DDX10: variants seen among roughly 807,000 people sequenced by gnomAD.
DDX10 encodes the protein probable ATP-dependent RNA helicase DDX10.
Under a neutral mutation model 104.3 loss-of-function variants are expected in DDX10, and 74 were observed. The observed-to-expected ratio is 0.71, with a 90% confidence interval of 0.59 to 0.86. The LOEUF (loss-of-function observed/expected upper bound fraction) is 0.86, where lower values mean the gene tolerates loss of function less well. Ranked by LOEUF, DDX10 falls within the 40% of genes least tolerant of loss-of-function variation. DDX10 has a pLI of 0.00. For synonymous variants in DDX10, 351 were observed against 353.4 expected, an observed-to-expected ratio of 0.99 and a Z score of 0.08; for missense variants, 952 against 1,040.0, an observed-to-expected ratio of 0.92 and a Z score of 1.16.
chr11:108,709,124 G>A (rs2094280611), intron 10 of DDX10, among the ~76,000 whole-genome samples: 1 of 152,142 alleles, frequency 6.6e-6, no homozygotes, highest in Non-Finnish European at 1.5e-5. Context: ...CTAGAATGAT[G>A]TTGGACAGCA....
At chr11:108,833,593 T>TC (rs1862503446) in intron 13 of DDX10, among the ~76,000 whole-genome samples, 1 of 152,212 alleles carries the variant, frequency 6.6e-6, no homozygotes, top group Non-Finnish European at 1.5e-5. Flanking sequence ...TTTTACTTCT[T>TC]CAGGGGGGCA....
chr11:108,706,733 G>C lies in DDX10; in HGVS notation c.1224-6G>C. 1 of 1,611,146 alleles carries C rather than the reference G, an allele frequency of 6.2e-7. No individual in the cohort carries two copies. On this transcript the variant is annotated splice_region_variant and splice_polypyrimidine_tract_variant and intron_variant, in intron 9 of 17. Transcript: ENST00000322536. ...TGTGTTAAAGATTTTGTTTCTTTTT[G>C]TTTAGGTACAAAGAGGATGGTGAAG... is the stretch of plus-strand genomic sequence containing the variant.
intron 16 of DDX10, among the ~76,000 whole-genome samples, chr11:108,902,302 A>C (rs1253244226): frequency 6.6e-6 from 1 of 152,170 alleles, no homozygotes; most frequent in Non-Finnish European, 1.5e-5. Context: ...TAGGGCACAA[A>C]ACTTCATGCC....
chr11:108,678,553 T>C, intron 5 of DDX10, 118 bp downstream of exon 5: 1 of 1,130,042 alleles, frequency 8.8e-7, no homozygotes, highest in Non-Finnish European at 1.2e-6. Context: ...CAAAACAAAC[T>C]TAAAAATTAC....
At chr11:108,739,049 G>T (rs1421522118) in intron 13 of DDX10, among the ~76,000 whole-genome samples, 1 of 152,062 alleles carries the variant, frequency 6.6e-6, no homozygotes, top group Non-Finnish European at 1.5e-5. Context: ...CTTTATTCTG[G>T]TCAGGAAACA....
intron 16 of DDX10, among the ~76,000 whole-genome samples, chr11:108,880,314 C>T (rs569110984): frequency 2.0e-5 from 3 of 152,150 alleles, no homozygotes; most frequent in Admixed American, 1.3e-4. Context: ...AGGGTCCTAC[C>T]CTTATAACCT....
In DDX10 at chr11:108,665,170, A is replaced by C. The variant is rs1591784699; in HGVS notation, c.17A>C (p.Asn6Thr). 3.1e-6 allele frequency: 5 copies of C among 1,609,638 alleles called. No homozygotes were observed. In the East Asian group the frequency reaches 1.1e-4, roughly 36 times the overall value. The part of the protein sequence containing the change: MGKTA[N>T]SPGSGARPDP... ...GCCGCCGCAATGGGCAAAACGGCCA[A>C]CTCTCCGGGTTCGGGAGCCCGACCC... is the stretch of plus-strand genomic sequence containing the variant. The change falls in exon 1 of 18, where the codon AAC becomes ACC. Residue 6 changes from asparagine to threonine, a missense_variant. Physicochemically the swap from Asn to Thr is moderately conservative, Grantham distance 65. Coordinates refer to ENST00000322536, the MANE Select transcript of DDX10 (RefSeq NM_004398.4).
chr11:108,749,711 T>C (rs1194750854), intron 13 of DDX10, among the ~76,000 whole-genome samples: 1 of 152,174 alleles, frequency 6.6e-6, no homozygotes, highest in Non-Finnish European at 1.5e-5. Context: ...ATATCAAAAT[T>C]AAGTATTTAA....
At chr11:108,675,565 T>C in intron 2 of DDX10, 31 bp from the exon 3 acceptor site, 4 of 1,608,448 alleles carry the variant, frequency 2.5e-6, no homozygotes, top group Non-Finnish European at 3.4e-6. Context: ...AGGGATCTTC[T>C]AAAGTATAAT....
chr11:108,886,748 A>G (rs2134636392), intron 16 of DDX10, among the ~76,000 whole-genome samples: 1 of 152,344 alleles, frequency 6.6e-6, no homozygotes, highest in Middle Eastern at 3.4e-3. Flanking sequence ...TTATTTAACC[A>G]CCAAGTTAAG....
At chr11:108,696,063 T>TG (rs2094259429) in intron 9 of DDX10, among the ~76,000 whole-genome samples, 1 of 152,246 alleles carries the variant, frequency 6.6e-6, no homozygotes, top group Non-Finnish European at 1.5e-5. Flanking sequence ...TCTTTCTTCT[T>TG]GGAACTAACT....
At chr11:108,844,332 C>T (rs1490006597) in intron 15 of DDX10, among the ~76,000 whole-genome samples, 1 of 152,172 alleles carries the variant, frequency 6.6e-6, no homozygotes, top group East Asian at 1.9e-4. Context: ...TTACCTGACA[C>T]ATGATTGATT....
chr11:108,760,586 G>A (rs2094349579), intron 13 of DDX10, among the ~76,000 whole-genome samples: 3 of 151,610 alleles, frequency 2.0e-5, no homozygotes, highest in African/African-American at 7.3e-5. Flanking sequence ...TCCTTTAAAT[G>A]TATATGTAAA....
intron 16 of DDX10, among the ~76,000 whole-genome samples, chr11:108,907,099 C>T (rs1024171210): frequency 6.6e-6 from 1 of 152,124 alleles, no homozygotes; most frequent in Non-Finnish European, 1.5e-5. Context: ...CCTTTGCCTG[C>T]CATTCTTAAC....
chr11:108,780,456 A>AGTCT (rs1250429218), intron 13 of DDX10, among the ~76,000 whole-genome samples: 1 of 152,132 alleles, frequency 6.6e-6, no homozygotes, highest in African/African-American at 2.4e-5. Context: ...CTATAGGTCT[A>AGTCT]GTCTGTCTGT....
At chr11:108,793,010 A>C (rs565507206) in intron 13 of DDX10, among the ~76,000 whole-genome samples, 9 of 152,314 alleles carry the variant, frequency 5.9e-5, no homozygotes, top group Admixed American at 1.3e-4. Context: ...ATCCAAAATG[A>C]CAATGTCTAG....
At chr11:108,782,165 T>C (rs1161005142) in intron 13 of DDX10, among the ~76,000 whole-genome samples, 1 of 152,236 alleles carries the variant, frequency 6.6e-6, no homozygotes, top group African/African-American at 2.4e-5. Flanking sequence ...GTATATGGTA[T>C]AGGCCTTGGT....
chr11:108,677,310 C>G, intron 4 of DDX10, 67 bp downstream of exon 4: 6 of 1,416,938 alleles, frequency 4.2e-6, no homozygotes, highest in Non-Finnish European at 4.9e-6. Context: ...TGGCCGATGA[C>G]AGGGAGGCAG....
intron 6 of DDX10, 139 bp from the exon 7 acceptor site, chr11:108,688,797 A>G: frequency 1.2e-6 from 1 of 800,058 alleles, no homozygotes; most frequent in Non-Finnish European, 1.9e-6. Context: ...CAATAGAGAA[A>G]AATTCTTTTT....
Sources: allele counts gnomAD v4.1 joint callset (sites outside exome capture counted in the v4.1 genomes callset), GRCh38; gene constraint gnomAD v4.1.1; transcripts MANE v1.5; gene names NCBI Gene and HGNC (gene_info 2026-07-23, HGNC 2026-07-21).